The following CEP85 variants were observed in gnomAD, a reference collection of about 807,000 sequenced individuals.
CEP85 encodes centrosomal protein of 85 kDa.
Under a neutral mutation model 93.7 loss-of-function variants are expected in CEP85, and 58 were observed. The observed-to-expected ratio is 0.62, with a 90% CI of 0.50 to 0.77. CEP85 has a LOEUF of 0.77. Among genes scored for constraint, CEP85 ranks in the 30% least tolerant of loss-of-function variants. CEP85 has a pLI of 0.00. For synonymous variants in CEP85, 314 were observed against 338.6 expected, an observed-to-expected ratio of 0.93 and a Z score of 0.80; for missense variants, 868 against 922.0, an observed-to-expected ratio of 0.94 and a Z score of 0.76.
chr1:26,265,981 G>A (rs1189657987), intron 7 of CEP85, among the ~76,000 whole-genome samples: 8 of 152,108 alleles, frequency 5.3e-5, no homozygotes, highest in Non-Finnish European at 1.2e-4. Flanking sequence ...GCCGAGGTGG[G>A]TGGATCACCT....
chr1:26,271,967 G>C, intron 10 of CEP85, 54 bp from the exon 11 acceptor site: 1 of 1,556,854 alleles, frequency 6.4e-7, no homozygotes, highest in Non-Finnish European at 8.8e-7. Context: ...CTTGCCCTCT[G>C]TCCTCACCGT....
At chr1:26,241,960 G>A (rs766181108) in intron 2 of CEP85, among the ~76,000 whole-genome samples, 11 of 151,556 alleles carry the variant, frequency 7.3e-5, no homozygotes, top group Non-Finnish European at 1.3e-4. Flanking sequence ...GACGGGTTTC[G>A]CCATATGCCC....
At chr1:26,236,295 G>C (rs897509460) in intron 1 of CEP85, among the ~76,000 whole-genome samples, 1 of 152,154 alleles carries the variant, frequency 6.6e-6, no homozygotes, top group Non-Finnish European at 1.5e-5. Flanking sequence ...CACAGTGTTT[G>C]ATAGGTAGTA....
chr1:26,273,217 G>C (rs974555070), intron 11 of CEP85, among the ~76,000 whole-genome samples: 1 of 152,208 alleles, frequency 6.6e-6, no homozygotes, highest in Non-Finnish European at 1.5e-5. Flanking sequence ...TTTTGGGCCA[G>C]AGTGGGAGTG....
At chr1:26,276,024 C>T (rs569018819) in intron 12 of CEP85, among the ~76,000 whole-genome samples, 1 of 152,326 alleles carries the variant, frequency 6.6e-6, no homozygotes, top group South Asian at 2.1e-4. Context: ...TCCAGCCCCC[C>T]ACCTAGTGGC....
intron 1 of CEP85, among the ~76,000 whole-genome samples, chr1:26,238,111 T>G (rs954904324): frequency 1.1e-4 from 16 of 150,602 alleles, no homozygotes; most frequent in African/African-American, 3.9e-4. Context: ...GAGAATACTA[T>G]AGAGGTCACT....
At chr1:26,250,690 C>T (rs1025416619) in intron 3 of CEP85, among the ~76,000 whole-genome samples, 2 of 152,094 alleles carry the variant, frequency 1.3e-5, no homozygotes, top group African/African-American at 4.8e-5. Context: ...TACTTTTCTT[C>T]TTGGCTTTGG....
In CEP85 at chr1:26,239,865, A is replaced by G. The variant is rs770030266; in HGVS notation, c.55+27A>G. On this transcript the variant is annotated intron_variant, in intron 2 of 13. Coordinates refer to ENST00000451429, the MANE Select transcript of CEP85 (RefSeq NM_001319944.2). ...TGAGTAGTCAGAAGTTTTCTGGGTTAAATTCTGACCTTTGTTCTGTTTTTT... is the reference window on the plus strand; with the variant it reads ...TGAGTAGTCAGAAGTTTTCTGGGTTGAATTCTGACCTTTGTTCTGTTTTTT... 7 of 1,563,340 alleles carry G rather than the reference A, an allele frequency of 4.5e-6. No individual in the cohort carries two copies. The Admixed American group carries it at 1.2e-4, about 26-fold the overall frequency.
chr1:26,269,378 T>A, intron 8 of CEP85, 82 bp from the exon 9 acceptor site: 2 of 1,409,752 alleles, frequency 1.4e-6, no homozygotes, highest in Non-Finnish European at 2.0e-6. Context: ...TGAGTGCTAT[T>A]TCTTTGTGAC....
At chr1:26,245,849 T>C (rs533430364) in intron 3 of CEP85, among the ~76,000 whole-genome samples, 1 of 152,290 alleles carries the variant, frequency 6.6e-6, no homozygotes, top group African/African-American at 2.4e-5. Flanking sequence ...TTAAAACATC[T>C]ACTCCACAGC....
At chr1:26,241,432 G>A (rs1255494683) in intron 2 of CEP85, among the ~76,000 whole-genome samples, 1 of 151,788 alleles carries the variant, frequency 6.6e-6, no homozygotes, top group East Asian at 1.9e-4. Flanking sequence ...TTTTAATAGA[G>A]ACGGGGTTTC....
intron 9 of CEP85, among the ~76,000 whole-genome samples, chr1:26,270,804 T>G (rs995673955): frequency 2.2e-4 from 33 of 152,238 alleles, no homozygotes; most frequent in African/African-American, 8.0e-4. Flanking sequence ...GGTGTCACAT[T>G]GTATAGATTC....
intron 12 of CEP85, 51 bp downstream of exon 12, chr1:26,275,122 C>G (rs769737453): frequency 3.0e-5 from 41 of 1,362,976 alleles, no homozygotes; most frequent in Non-Finnish European, 4.0e-5. Context: ...AACCCGATTT[C>G]TTTGTTTGCC....
At chr1:26,246,977 C>T (rs1012170018) in intron 3 of CEP85, among the ~76,000 whole-genome samples, 1 of 152,214 alleles carries the variant, frequency 6.6e-6, no homozygotes, top group Non-Finnish European at 1.5e-5. Flanking sequence ...TTAGGAACCA[C>T]ACAGCAGGAG....
rs932830994 is a variant in CEP85, at chr1:26,257,663, G to C, written c.970G>C (p.Ala324Pro). Residue 324 changes from alanine to proline, a missense_variant, in exon 5 of 14, where the codon GCA becomes CCA. Coordinates refer to ENST00000451429, the MANE Select transcript of CEP85 (RefSeq NM_001319944.2). ...FGPSLPILEPAQWISILNSNE... is the reference protein window; with the variant it reads ...FGPSLPILEPPQWISILNSNE... ...TCCTTCACTGCCCATCTTAGAGCCA[G>C]CACAGTGGATCAGCATCTTGAACAG... is the stretch of plus-strand genomic sequence containing the variant. 1.9e-6 allele frequency: 3 copies of C among 1,614,068 alleles called. No homozygotes were observed. The highest frequency in any genetic ancestry group is 2.7e-5 in the African/African-American group (2 of 74,932).
chr1:26,254,468 G>A (rs1470452717), intron 3 of CEP85: 4 of 152,064 alleles, frequency 2.6e-5, no homozygotes, highest in Non-Finnish European at 4.4e-5. Flanking sequence ...AAGGGGGCAA[G>A]TGAAAGGCAA....
intron 1 of CEP85, among the ~76,000 whole-genome samples, chr1:26,236,604 C>G (rs956802652): frequency 4.6e-5 from 7 of 152,074 alleles, no homozygotes; most frequent in Non-Finnish European, 1.5e-5. Context: ...TACGGGGTTT[C>G]TTTCTTTCTG....
intron 3 of CEP85, among the ~76,000 whole-genome samples, chr1:26,247,044 G>A (rs1022757270): frequency 3.3e-5 from 5 of 152,116 alleles, no homozygotes; most frequent in Admixed American, 6.5e-5. Context: ...GATCAGTGGC[G>A]GGATTAAATT....
chr1:26,236,830 C>G (rs2124551855), intron 1 of CEP85, among the ~76,000 whole-genome samples: 1 of 152,212 alleles, frequency 6.6e-6, no homozygotes, highest in Admixed American at 6.5e-5. Context: ...TAAGACAACT[C>G]TTAGTGGGTG....
Sources: gnomAD v4.1 joint callset for allele counts (sites outside exome capture counted in the v4.1 genomes callset) on GRCh38, gnomAD v4.1.1 for gene constraint, MANE v1.5 for transcripts, NCBI Gene and HGNC (gene_info 2026-07-23, HGNC 2026-07-21) for gene names.